The following MORC1 variants were observed in gnomAD, a reference collection of about 807,000 sequenced individuals.
MORC1 encodes MORC family CW-type zinc finger 1, also known as MORC family CW-type zinc finger protein 1.
Under a neutral mutation model 134.9 loss-of-function variants are expected in MORC1, and 59 were observed. The observed-to-expected ratio is 0.44, with a 90% CI of 0.35 to 0.54. The LOEUF is 0.54. Among genes scored for constraint, MORC1 ranks in the 20% least tolerant of loss-of-function variants. MORC1 has a pLI of 0.00. For synonymous variants in MORC1, 395 were observed against 391.7 expected (o/e 1.01, Z -0.10); for missense variants, 947 against 1,134.5 (o/e 0.83, Z 2.37).
Position 109,118,125 on chromosome 3 carries a change from G to A in MORC1, c.-66C>T. ...ACCTGACCGGCAGCCGTTCGCCTGCGCCCGCGCCCACTCCCACGCCCACGC... is the reference window on the plus strand; with the variant it reads ...ACCTGACCGGCAGCCGTTCGCCTGCACCCGCGCCCACTCCCACGCCCACGC... On this transcript the variant is annotated 5_prime_UTR_variant, in exon 1 of 28. Coordinates refer to ENST00000232603, the MANE Select transcript of MORC1 (RefSeq NM_014429.4). 2 of 1,546,658 alleles carry A rather than the reference G, an allele frequency of 1.3e-6. No individual in the cohort carries two copies. The highest frequency in any genetic ancestry group is 1.8e-6 in the Non-Finnish European group (2 of 1,139,020).
chr3:108,974,259 T>A (rs2107412189), intron 24 of MORC1, among the ~76,000 whole-genome samples: 1 of 152,308 alleles, frequency 6.6e-6, no homozygotes. Context: ...GCCTTTCCAT[T>A]TTCCTGTAAA....
At chr3:109,116,111 T>A (rs1951267927) in intron 1 of MORC1, among the ~76,000 whole-genome samples, 1 of 152,134 alleles carries the variant, frequency 6.6e-6, no homozygotes, top group Admixed American at 6.5e-5. Flanking sequence ...CATGGCTGGG[T>A]CATGCAGGGC....
rs576806492 is a variant in MORC1 at position 109,097,864 on chromosome 3, T to C, written c.423+1494A>G. Among the ~76,000 whole-genome samples, 10 of 152,258 alleles carry C rather than the reference T, an allele frequency of 6.6e-5. No homozygotes were observed. The South Asian group carries it at 2.1e-3, about 32-fold the overall frequency. On this transcript the variant is annotated intron_variant, in intron 6 of 27. Transcript: ENST00000232603. ...AGTCTTATAAAGTAAACACTGAATA[T>C]TGTCATAGCTAAAATTACAATAAAG...
chr3:109,052,428 T>C (rs576675643), intron 14 of MORC1, among the ~76,000 whole-genome samples: 2 of 152,276 alleles, frequency 1.3e-5, no homozygotes, highest in African/African-American at 4.8e-5. Context: ...AGGTGGGGCC[T>C]GGGATTCTGC....
chr3:109,034,383 T>G (rs1409342740), intron 15 of MORC1, among the ~76,000 whole-genome samples: 1 of 152,216 alleles, frequency 6.6e-6, no homozygotes, highest in Non-Finnish European at 1.5e-5. Flanking sequence ...GAGACTGTCT[T>G]TAACTCCCTG....
At chr3:109,052,607 G>A (rs569085024) in intron 14 of MORC1, among the ~76,000 whole-genome samples, 1 of 152,130 alleles carries the variant, frequency 6.6e-6, no homozygotes, top group South Asian at 2.1e-4. Flanking sequence ...CCGTTTTGCT[G>A]GTGAGAAAGT....
chr3:109,049,361 T>A lies in MORC1; in HGVS notation c.1330+5367A>T, dbSNP rs367894586. On this transcript the variant is annotated intron_variant, in intron 14 of 27. Transcript: ENST00000232603. ...AATTGACAAGGGTTAGGTGATAGCA[T>A]AATCAGGAAAACATGTCCCAAGGTA... is the stretch of plus-strand genomic sequence containing the variant. 2.8e-4 allele frequency among the ~76,000 whole-genome samples: 43 copies of A among 152,326 alleles called. 1 individual carries two copies. The South Asian group carries it at 8.5e-3, about 30-fold the overall frequency.
intron 17 of MORC1, among the ~76,000 whole-genome samples, chr3:109,020,479 T>C (rs987214031): frequency 6.6e-6 from 1 of 151,944 alleles, no homozygotes; most frequent in African/African-American, 2.4e-5. Flanking sequence ...AGGTAAAAAA[T>C]AGACCCCAGT....
At chr3:109,029,517 C>T (rs974272202) in intron 16 of MORC1, among the ~76,000 whole-genome samples, 1 of 152,188 alleles carries the variant, frequency 6.6e-6, no homozygotes, top group African/African-American at 2.4e-5. Context: ...AAAATTCAGA[C>T]ATTTTTGGTT....
chr3:108,979,754 T>C, intron 23 of MORC1, 87 bp from the exon 24 acceptor site: 1 of 1,482,434 alleles, frequency 6.7e-7, no homozygotes, highest in Non-Finnish European at 9.2e-7. Context: ...GAAATGTTCA[T>C]ATACAACAAA....
chr3:109,008,624 A>C (rs1376656962), intron 17 of MORC1, among the ~76,000 whole-genome samples: 1 of 151,516 alleles, frequency 6.6e-6, no homozygotes, highest in Non-Finnish European at 1.5e-5. Context: ...TAGTTCAATC[A>C]TTTTATTTTA....
At chr3:109,032,493 G>A (rs900765380) in intron 16 of MORC1, among the ~76,000 whole-genome samples, 2 of 152,140 alleles carry the variant, frequency 1.3e-5, no homozygotes, top group African/African-American at 2.4e-5. Context: ...GTGCAGAGCT[G>A]CTCACCCCAA....
chr3:109,118,066 G>A lies in MORC1; in HGVS notation c.-7C>T, dbSNP rs970800060. 6.2e-7 allele frequency: 1 copy of A among 1,606,700 alleles called. No homozygotes were observed. Reference sequence around the variant, plus strand: ...CAGGGTACCTGTCGTCCATGCCCTCGAACACGACCCGCGCAACTCAAGGGG... The same window carrying A: ...CAGGGTACCTGTCGTCCATGCCCTCAAACACGACCCGCGCAACTCAAGGGG... On this transcript the variant is annotated 5_prime_UTR_variant, in exon 1 of 28. Transcript: ENST00000232603.
At chr3:109,072,005 CCTA>C (rs1467604686) in intron 8 of MORC1, among the ~76,000 whole-genome samples, 3 of 152,094 alleles carry the variant, frequency 2.0e-5, no homozygotes, top group Non-Finnish European at 2.9e-5. Flanking sequence ...CTCTCACATG[CCTA>C]CTTTTAGAAG....
At chr3:108,966,807 C>T (rs1306421074) in intron 26 of MORC1, among the ~76,000 whole-genome samples, 1 of 151,992 alleles carries the variant, frequency 6.6e-6, no homozygotes. Context: ...GGGAAAGGCT[C>T]AGAGGTAGAC....
In MORC1 at chr3:109,093,465, T is replaced by C; in HGVS notation, c.660A>G (p.Glu220=). 2 of 1,613,746 alleles carry C rather than the reference T, an allele frequency of 1.2e-6. No individual in the cohort carries two copies. Among genetic ancestry groups the C allele is most frequent in the Non-Finnish European group, 8.5e-7 (1 of 1,179,672 alleles). ...CCAGAGCTCCAGCCATCAGTATATC[T>C]TCTTTGTCAGTTTTAACATCCAACT... ...EPELDVKTDK[E]DILMAGALED... The change falls in exon 8 of 28, where the codon GAA becomes GAG. Residue 220 remains glutamate, a synonymous_variant. Transcript: ENST00000232603.
rs536719832 is a variant in MORC1, at chr3:109,028,873, C to T, written c.1566-984G>A. 1.1e-4 allele frequency among the ~76,000 whole-genome samples: 16 copies of T among 152,178 alleles called. No homozygotes were observed. The South Asian group carries it at 1.9e-3, about 18-fold the overall frequency. On this transcript the variant is annotated intron_variant, in intron 16 of 27. Coordinates refer to ENST00000232603, the MANE Select transcript of MORC1 (RefSeq NM_014429.4). The stretch of plus-strand genomic sequence containing the variant: ...TCGTAAGACGCTGAGGTCAGTTCTT[C>T]GAGCCCACTCTAGGTCACAGAGTTT...
At chr3:109,113,635 T>C (rs900273623) in intron 2 of MORC1, among the ~76,000 whole-genome samples, 2 of 150,916 alleles carry the variant, frequency 1.3e-5, no homozygotes, top group African/African-American at 2.4e-5. Flanking sequence ...GGAATACCAA[T>C]ATAAAACACG....
At chr3:108,986,095 A>G (rs1455931469) in intron 22 of MORC1, among the ~76,000 whole-genome samples, 1 of 152,174 alleles carries the variant, frequency 6.6e-6, no homozygotes, top group African/African-American at 2.4e-5. Context: ...ATTGGGAATG[A>G]TGAAACCAAA....
Sources: gnomAD v4.1 joint callset for allele counts (sites outside exome capture counted in the v4.1 genomes callset) on GRCh38, gnomAD v4.1.1 for gene constraint, MANE v1.5 for transcripts, NCBI Gene and HGNC (gene_info 2026-07-23, HGNC 2026-07-21) for gene names.